KIF1A: variants seen among roughly 807,000 people sequenced by gnomAD.
The protein encoded by KIF1A is kinesin family member 1A.
A neutral mutation model predicts 227.3 loss-of-function variants in KIF1A; 46 were observed. That is an observed-to-expected ratio of 0.20 (90% CI 0.16 to 0.26). KIF1A has a LOEUF of 0.26. KIF1A is among the 10% of genes least tolerant of loss of function. KIF1A has a pLI of 1.00. For synonymous variants in KIF1A, 1,022 were observed against 1,012.8 expected (o/e 1.01, Z -0.17); for missense variants, 1,683 against 2,485.9 (o/e 0.68, Z 6.87).
intron 9 of KIF1A, 142 bp downstream of exon 9, chr2:240,782,902 G>A: frequency 1.3e-6 from 1 of 756,074 alleles, no homozygotes. Context: ...TCCAGCATGT[G>A]ACACTCTGGC....
chr2:240,800,998 T>G (rs1415824248), intron 1 of KIF1A, among the ~76,000 whole-genome samples: 1 of 49,290 alleles, frequency 2.0e-5, no homozygotes, highest in East Asian at 9.1e-4. Context: ...CTCTACACTC[T>G]TTTATTTTTA....
At position 240,719,333 on chromosome 2, in the gene KIF1A, C is replaced by T. The variant is rs115289396; in HGVS notation, c.5022-135G>A. ...CCAGCCAGAAAGTGGGTCGAGGCAT[C>T]GAAGGGCACCTGGCAGAACCCCAAC... On this transcript the variant is annotated intron_variant, in intron 46 of 48. Coordinates refer to ENST00000498729, the MANE Select transcript of KIF1A (RefSeq NM_001244008.2). 34,147 of 979,656 alleles carry T rather than the reference C, an allele frequency of 0.035. 717 individuals are homozygous for T. Among genetic ancestry groups the T allele is most frequent in the Middle Eastern group, 0.049 (151 of 3,052 alleles). 60.7% of individuals were successfully genotyped at this position (979,656 alleles called of 1,614,324 possible). A position where few individuals can be genotyped will look rare whatever the true frequency, so the allele number is the denominator to read the frequency against.
intron 27 of KIF1A, among the ~76,000 whole-genome samples, chr2:240,755,326 G>C (rs1271096846): frequency 6.6e-6 from 1 of 152,250 alleles, no homozygotes; most frequent in Non-Finnish European, 1.5e-5. Flanking sequence ...AGCAGAGGCA[G>C]ACAGAGCGAG....
At chr2:240,771,203 G>A in intron 14 of KIF1A, 99 bp from the exon 15 acceptor site, 1 of 1,455,344 alleles carries the variant, frequency 6.9e-7, no homozygotes, top group Non-Finnish European at 9.6e-7. Context: ...GGGTAGGGCG[G>A]GCAGACAGAC....
At chr2:240,771,332 A>G (rs2051950565) in intron 14 of KIF1A, 3 of 614,660 alleles carry the variant, frequency 4.9e-6, no homozygotes, top group Non-Finnish European at 8.7e-6. Context: ...GGACAAGCGC[A>G]TGCAAGGCCT....
At position 240,725,148 on chromosome 2, in the gene KIF1A, TG is replaced by T. The variant is rs1454236040; in HGVS notation, c.4256+122del. 1 of 1,007,764 alleles carries T rather than the reference TG, an allele frequency of 9.9e-7. No homozygotes were observed. The highest frequency in any genetic ancestry group is 2.6e-5 in the Admixed American group (1 of 38,892). The allele number at this position is 1,007,764 out of a possible 1,614,324, so 62.4% of individuals were successfully genotyped here. The stretch of plus-strand genomic sequence containing the variant: ...GAGCGCAGGGAGCCAGCCAGGAGTG[TG>T]GCTGGGCCTCGCACAGGGTGAGCTG... On this transcript the variant is annotated intron_variant, in intron 40 of 48. Coordinates refer to ENST00000498729, the MANE Select transcript of KIF1A (RefSeq NM_001244008.2). This position sits in a 1 kb window ranked among gnomAD's most constrained non-coding sequence, Gnocchi z 5.8.
chr2:240,717,267 G>A lies in KIF1A; in HGVS notation c.*97C>T, dbSNP rs1368153918. The A allele has an allele frequency of 3.2e-6, 4 of 1,250,288 alleles. No individual in the cohort carries two copies. The highest frequency in any genetic ancestry group is 4.6e-6 in the Non-Finnish European group (4 of 868,036). The allele number at this position is 1,250,288 out of a possible 1,614,324, so 77.4% of individuals were successfully genotyped here. A position where few individuals can be genotyped will look rare whatever the true frequency, so the allele number is the denominator to read the frequency against. On this transcript the variant is annotated 3_prime_UTR_variant, in exon 49 of 49. Coordinates refer to ENST00000498729, the MANE Select transcript of KIF1A (RefSeq NM_001244008.2). Reference sequence around the variant, plus strand: ...TGGGGGGTCGACCCGGTCGTGGGCTGTCTGGCAGGAGAGGGGCTGGGCGGC... The same window carrying A: ...TGGGGGGTCGACCCGGTCGTGGGCTATCTGGCAGGAGAGGGGCTGGGCGGC...
intron 22 of KIF1A, 77 bp downstream of exon 22, chr2:240,762,942 G>C: frequency 7.4e-7 from 1 of 1,352,138 alleles, no homozygotes; most frequent in Non-Finnish European, 1.0e-6. Flanking sequence ...AAGCAGGGAG[G>C]AGTGGGGGCG....
chr2:240,808,280 T>C (rs566588778), intron 1 of KIF1A, among the ~76,000 whole-genome samples: 14 of 152,296 alleles, frequency 9.2e-5, no homozygotes, highest in Admixed American at 8.5e-4. Context: ...ATATTTGAAT[T>C]AGGAAGGTTC....
At chr2:240,770,353 C>A (rs1328476583) in intron 15 of KIF1A, among the ~76,000 whole-genome samples, 3 of 152,012 alleles carry the variant, frequency 2.0e-5, no homozygotes, top group African/African-American at 7.2e-5. Flanking sequence ...GGTGACTATT[C>A]CCAGGCAGGT....
chr2:240,798,405 G>A (rs916526712), intron 1 of KIF1A, among the ~76,000 whole-genome samples: 7 of 152,228 alleles, frequency 4.6e-5, no homozygotes, highest in African/African-American at 1.7e-4. Flanking sequence ...CCAATGTCCT[G>A]CTGGTAATTC....
rs763669401 is a variant in KIF1A, at chr2:240,747,289, C to T, written c.3010G>A (p.Val1004Ile). 5.8e-5 allele frequency: 93 copies of T among 1,613,330 alleles called. No individual in the cohort carries two copies. The highest frequency in any genetic ancestry group is 2.8e-4 in the Admixed American group (17 of 59,990). Residue 1004 changes from valine (V) to isoleucine (I), a missense_variant, in exon 29 of 49, where the codon GTC (valine) becomes ATC (isoleucine). Val to Ile is a conservative substitution (Grantham distance 29). Transcript: ENST00000498729. ...DEEAPDYGSG[V>I]RQSGTAKISF... ...ATTTTAGCAGTTCCCGACTGGCGGA[C>T]GCCAGAGCCATAATCAGGGGCCTCT... is the stretch of plus-strand genomic sequence containing the variant.
At chr2:240,753,907 G>T (rs536070670) in intron 27 of KIF1A, among the ~76,000 whole-genome samples, 2 of 152,292 alleles carry the variant, frequency 1.3e-5, no homozygotes, top group African/African-American at 4.8e-5. Flanking sequence ...CAACTGTGTG[G>T]ACACCAAGCT....
intron 28 of KIF1A, chr2:240,748,689 T>G: frequency 3.0e-6 from 1 of 332,148 alleles, no homozygotes; most frequent in Non-Finnish European, 6.4e-6. Context: ...GCTGGGGCCC[T>G]TCCCTGGTGT....
intron 13 of KIF1A, 111 bp downstream of exon 13, chr2:240,773,003 G>C: frequency 1.7e-6 from 2 of 1,200,422 alleles, no homozygotes; most frequent in Middle Eastern, 2.6e-4. Flanking sequence ...CCACAGCCCA[G>C]GGTGCAGCCA....
chr2:240,784,639 T>G (rs1575627489), intron 7 of KIF1A, among the ~76,000 whole-genome samples: 1 of 152,158 alleles, frequency 6.6e-6, no homozygotes, highest in Non-Finnish European at 1.5e-5. Flanking sequence ...CCCCTGGGCC[T>G]GGACAGCTGG....
Position 240,767,324 on chromosome 2 carries a change from T to C in KIF1A, c.1519A>G (p.Asn507Asp). ...PKKTPHLVNL[N>D]EDPLMSECLL... ...CACTCAGACATCAGCGGGTCCTCGT[T>C]CAGGTTGACGAGGTGTGGTGTCTGC... Residue 507 changes from asparagine (N) to aspartate (D), a missense_variant, in exon 18 of 49, where the codon AAC (asparagine) becomes GAC (aspartate). Transcript: ENST00000498729. 6.2e-7 allele frequency: 1 copy of C among 1,613,714 alleles called. No homozygotes were observed. Among genetic ancestry groups the C allele is most frequent in the Non-Finnish European group, 8.5e-7 (1 of 1,179,842 alleles).
chr2:240,740,156 G>T lies in KIF1A; in HGVS notation c.3817-14C>A. The T allele has an allele frequency of 6.3e-7, 1 of 1,589,032 alleles. No homozygotes were observed. The highest frequency in any genetic ancestry group is 8.6e-7 in the Non-Finnish European group (1 of 1,167,682). On this transcript the variant is annotated splice_polypyrimidine_tract_variant and intron_variant, in intron 36 of 48. Transcript: ENST00000498729. This position sits in a 1 kb window ranked among gnomAD's most constrained non-coding sequence, Gnocchi z 6.1. ...TCGCTGGATGCCCTGCCGGTGCCAGGTGAGAGGATATGGTCAGACGGCTCA... is the reference window on the plus strand; with the variant it reads ...TCGCTGGATGCCCTGCCGGTGCCAGTTGAGAGGATATGGTCAGACGGCTCA...
At chr2:240,813,903 C>T (rs560164493) in intron 1 of KIF1A, among the ~76,000 whole-genome samples, 3 of 152,290 alleles carry the variant, frequency 2.0e-5, no homozygotes, top group South Asian at 2.1e-4. Flanking sequence ...CCTCTGTCCA[C>T]GCACCCGGGA....
Sources: allele counts gnomAD v4.1 joint callset (sites outside exome capture counted in the v4.1 genomes callset), GRCh38; gene constraint gnomAD v4.1.1; non-coding constraint Gnocchi (gnomAD v3.1); transcripts MANE v1.5; gene names NCBI Gene and HGNC (gene_info 2026-07-23, HGNC 2026-07-21).